The following GPM6A variants were observed in gnomAD, a reference collection of about 807,000 sequenced individuals.
GPM6A encodes glycoprotein M6A, also known as neuronal membrane glycoprotein M6-a.
GPM6A carries 7 observed loss-of-function variants against 32.1 expected under a neutral mutation model. That is an observed-to-expected ratio of 0.22 (90% CI 0.12 to 0.41). GPM6A has a LOEUF of 0.41. Among genes scored for constraint, GPM6A ranks in the 10% least tolerant of loss-of-function variants. The pLI is 1.00. For missense variants in GPM6A, 235 were observed against 347.2 expected (o/e 0.68, Z 2.57); for synonymous variants, 130 against 123.4 (o/e 1.05, Z -0.35).
At chr4:175,886,722 AACACAC>A (rs34241399) in intron 1 of GPM6A, among the ~76,000 whole-genome samples, 11,109 of 145,732 alleles carry the variant, frequency 0.076, 446 homozygotes, top group African/African-American at 0.092. Flanking sequence ...AAACTCAGTA[AACACAC>A]ACACACACAC....
chr4:175,647,604 T>C (rs1205362939), intron 4 of GPM6A, among the ~76,000 whole-genome samples: 3 of 152,194 alleles, frequency 2.0e-5, no homozygotes, highest in Non-Finnish European at 2.9e-5. Flanking sequence ...ATGGCCATTA[T>C]AGGCTGAGAG....
At chr4:175,678,441 T>C (rs1360173490) in intron 2 of GPM6A, among the ~76,000 whole-genome samples, 1 of 152,132 alleles carries the variant, frequency 6.6e-6, no homozygotes, top group African/African-American at 2.4e-5. Flanking sequence ...TGTGATTATA[T>C]ACAAGAGCAA....
chr4:175,680,560 C>T (rs1370851506), intron 2 of GPM6A, among the ~76,000 whole-genome samples: 1 of 152,136 alleles, frequency 6.6e-6, no homozygotes, highest in Non-Finnish European at 1.5e-5. Context: ...GTTAATGCAA[C>T]TGTTTGTTTC....
chr4:175,678,972 G>C (rs1311362225), intron 2 of GPM6A, among the ~76,000 whole-genome samples: 1 of 152,100 alleles, frequency 6.6e-6, no homozygotes, highest in Non-Finnish European at 1.5e-5. Context: ...TGAACATAGA[G>C]AACATCTTCA....
chr4:175,832,371 G>A (rs997660970), intron 1 of GPM6A, among the ~76,000 whole-genome samples: 3 of 152,120 alleles, frequency 2.0e-5, no homozygotes, highest in African/African-American at 7.2e-5. Flanking sequence ...GCAAAATAAT[G>A]TAGAATATAA....
chr4:175,673,402 G>C (rs536100142), intron 3 of GPM6A, among the ~76,000 whole-genome samples: 1 of 151,008 alleles, frequency 6.6e-6, no homozygotes, highest in East Asian at 1.9e-4. Flanking sequence ...GAATCACAGA[G>C]CCCTTTGGAA....
chr4:175,741,300 A>C (rs1482671069), intron 1 of GPM6A, among the ~76,000 whole-genome samples: 1 of 152,020 alleles, frequency 6.6e-6, no homozygotes, highest in Non-Finnish European at 1.5e-5. Context: ...ATTACTTTTA[A>C]AACCACTGTC....
intron 1 of GPM6A, among the ~76,000 whole-genome samples, chr4:175,981,386 G>T (rs1031757162): frequency 6.6e-6 from 1 of 152,126 alleles, no homozygotes; most frequent in Admixed American, 6.5e-5. Context: ...TTCATAAATT[G>T]TCTTGTCCAT....
At chr4:175,795,386 C>A (rs2111287550) in intron 1 of GPM6A, among the ~76,000 whole-genome samples, 1 of 152,254 alleles carries the variant, frequency 6.6e-6, no homozygotes, top group East Asian at 1.9e-4. Context: ...AAGGGCTGCA[C>A]TTTTTGACTT....
chr4:175,667,792 G>A (rs1742830779), intron 3 of GPM6A, among the ~76,000 whole-genome samples: 1 of 152,062 alleles, frequency 6.6e-6, no homozygotes, highest in African/African-American at 2.4e-5. Context: ...AGAACAATCT[G>A]ATAGGAGAAT....
intron 2 of GPM6A, among the ~76,000 whole-genome samples, chr4:175,681,093 G>A (rs1743657926): frequency 6.6e-6 from 1 of 152,146 alleles, no homozygotes; most frequent in South Asian, 2.1e-4. Flanking sequence ...TCAAATAATT[G>A]AAGATGTATC....
intron 1 of GPM6A, among the ~76,000 whole-genome samples, chr4:175,837,826 G>C (rs1258350688): frequency 6.6e-6 from 1 of 152,070 alleles, no homozygotes; most frequent in Non-Finnish European, 1.5e-5. Context: ...TAGATTATAA[G>C]CTTGGAGATC....
intron 1 of GPM6A, among the ~76,000 whole-genome samples, chr4:175,841,775 G>A (rs1008109382): frequency 6.6e-6 from 1 of 152,088 alleles, no homozygotes; most frequent in African/African-American, 2.4e-5. Context: ...GGGATTATAA[G>A]GCTGATTTTT....
intron 6 of GPM6A, among the ~76,000 whole-genome samples, chr4:175,635,805 G>C (rs1740543946): frequency 6.6e-6 from 1 of 152,024 alleles, no homozygotes; most frequent in East Asian, 1.9e-4. Context: ...GGGAGATAAA[G>C]CAGCTTTCCA....
At chr4:175,907,576 A>G (rs761673777) in intron 1 of GPM6A, among the ~76,000 whole-genome samples, 3 of 152,106 alleles carry the variant, frequency 2.0e-5, no homozygotes, top group African/African-American at 4.8e-5. Context: ...ATTTGCGAAA[A>G]CAGCAGAAGC....
At chr4:175,850,072 C>T (rs1283867770) in intron 1 of GPM6A, among the ~76,000 whole-genome samples, 2 of 152,074 alleles carry the variant, frequency 1.3e-5, no homozygotes, top group Non-Finnish European at 2.9e-5. Flanking sequence ...ACAGTACCTT[C>T]AAGAAAGTTA....
intron 1 of GPM6A, among the ~76,000 whole-genome samples, chr4:175,965,803 G>A (rs140071830): frequency 2.8e-3 from 422 of 151,964 alleles, no homozygotes; most frequent in African/African-American, 8.9e-3. Context: ...TAGTAGAGAC[G>A]GGGTTTCACC....
chr4:175,659,381 A>T (rs1362198616), intron 3 of GPM6A, among the ~76,000 whole-genome samples: 1 of 152,176 alleles, frequency 6.6e-6, no homozygotes, highest in Non-Finnish European at 1.5e-5. Context: ...CACTTGGCGG[A>T]GATACCTTTT....
At chr4:175,879,452 C>T (rs140850656) in intron 1 of GPM6A, among the ~76,000 whole-genome samples, 3 of 152,292 alleles carry the variant, frequency 2.0e-5, no homozygotes, top group Non-Finnish European at 2.9e-5. Context: ...AACTTACAAT[C>T]ATGGTGGTAG....
Sources: gnomAD v4.1 joint callset for allele counts (sites outside exome capture counted in the v4.1 genomes callset) on GRCh38, gnomAD v4.1.1 for gene constraint, MANE v1.5 for transcripts, NCBI Gene and HGNC (gene_info 2026-07-23, HGNC 2026-07-21) for gene names.